The following KAT6B variants were observed in gnomAD, a reference collection of about 807,000 sequenced individuals.
KAT6B encodes lysine acetyltransferase 6B.
In KAT6B, 10 loss-of-function variants were observed where a neutral mutation model predicts 187.5. The ratio of observed to expected loss-of-function variants is 0.05; its 90% CI spans 0.03 to 0.09. The LOEUF is 0.09. Among genes scored for constraint, KAT6B ranks in the 10% least tolerant of loss-of-function variants. The pLI, the probability that KAT6B is intolerant of heterozygous loss-of-function variation, is 1.00. For missense variants in KAT6B, 1,952 were observed against 2,558.9 expected (o/e 0.76, Z 5.12); for synonymous variants, 861 against 926.8 (o/e 0.93, Z 1.29).
chr10:74,889,823 A>G (rs751835762), intron 3 of KAT6B, among the ~76,000 whole-genome samples: 6 of 152,220 alleles, frequency 3.9e-5, no homozygotes, highest in Non-Finnish European at 8.8e-5. Context: ...TAAACAGGGC[A>G]TAGTGTGAGT....
intron 13 of KAT6B, among the ~76,000 whole-genome samples, chr10:74,997,115 A>G (rs1029967521): frequency 6.6e-6 from 1 of 151,804 alleles, no homozygotes; most frequent in African/African-American, 2.4e-5. Context: ...TAATCCCAGC[A>G]CTCTGGCAGG....
chr10:74,829,402 C>T (rs1260737863), intron 1 of KAT6B, among the ~76,000 whole-genome samples: 2 of 152,004 alleles, frequency 1.3e-5, no homozygotes, highest in Non-Finnish European at 2.9e-5. Flanking sequence ...AGTGTACCCT[C>T]AGTTTTCCAC....
Position 74,999,712 on chromosome 10 carries a change from A to G in KAT6B, c.2629+10600A>G, listed in dbSNP as rs188869173. 5.9e-5 allele frequency among the ~76,000 whole-genome samples: 9 copies of G among 152,284 alleles called. No individual in the cohort carries two copies. The East Asian group carries it at 1.5e-3, about 26-fold the overall frequency. The stretch of plus-strand genomic sequence containing the variant: ...CTCACTTAGTCCTCACGGAGACCCT[A>G]TGGGGTAGGTTACTGTGACCATCTC... On this transcript the variant is annotated intron_variant, in intron 13 of 17. Coordinates refer to ENST00000287239, the MANE Select transcript of KAT6B (RefSeq NM_012330.4).
At chr10:74,944,522 C>CA (rs1849953478) in intron 3 of KAT6B, among the ~76,000 whole-genome samples, 1 of 152,136 alleles carries the variant, frequency 6.6e-6, no homozygotes, top group South Asian at 2.1e-4. Flanking sequence ...CAAGGATATG[C>CA]AAATTAGGCC....
chr10:75,006,639 T>C (rs1005061324), intron 13 of KAT6B, among the ~76,000 whole-genome samples: 1 of 152,078 alleles, frequency 6.6e-6, no homozygotes, highest in Non-Finnish European at 1.5e-5. Flanking sequence ...CTGTAGTCTC[T>C]TTATGTTGTC....
intron 10 of KAT6B, among the ~76,000 whole-genome samples, chr10:74,980,069 G>C (rs1157714447): frequency 6.6e-6 from 1 of 152,204 alleles, no homozygotes; most frequent in African/African-American, 2.4e-5. Flanking sequence ...TGAGGCAGGA[G>C]AATCACTGGA....
intron 13 of KAT6B, among the ~76,000 whole-genome samples, chr10:75,015,691 C>T (rs1366509960): frequency 2.6e-5 from 4 of 152,160 alleles, no homozygotes; most frequent in Admixed American, 6.5e-5. Context: ...AACCCAGTGC[C>T]GTCGACTGAT....
intron 12 of KAT6B, among the ~76,000 whole-genome samples, chr10:74,986,546 A>G (rs1335680171): frequency 6.6e-6 from 1 of 152,232 alleles, no homozygotes; most frequent in Non-Finnish European, 1.5e-5. Flanking sequence ...CAACCCAAAG[A>G]TCATAAACAA....
At position 74,826,750 on chromosome 10, in the gene KAT6B, C is replaced by A. The variant is rs1038912514; in HGVS notation, c.-364C>A. 2.0e-5 allele frequency: 3 copies of A among 152,630 alleles called. No homozygotes were observed. Among genetic ancestry groups the A allele is most frequent in the Non-Finnish European group, 4.4e-5 (3 of 67,860 alleles). 9.5% of individuals were successfully genotyped at this position (152,630 alleles called of 1,614,324 possible). On this transcript the variant is annotated 5_prime_UTR_variant, in exon 1 of 18. Transcript: ENST00000287239. ...CGCAGTTTCTCAGGCAGCGGCAGCG[C>A]CCCCGGCAGGCGCGGTGGCGGTGGC... is the stretch of plus-strand genomic sequence containing the variant.
At chr10:74,976,558 A>G in intron 8 of KAT6B, 1 of 588,322 alleles carries the variant, frequency 1.7e-6, no homozygotes, top group Non-Finnish European at 3.0e-6. Context: ...TTTATTATTT[A>G]TTTCCATTCG....
chr10:74,866,348 T>A (rs1417821459), intron 3 of KAT6B, among the ~76,000 whole-genome samples: 1 of 151,938 alleles, frequency 6.6e-6, no homozygotes, highest in Non-Finnish European at 1.5e-5. Flanking sequence ...GCAAAAATCA[T>A]ACTAAAATAT....
chr10:74,903,123 C>T (rs1198839802), intron 3 of KAT6B, among the ~76,000 whole-genome samples: 1 of 152,162 alleles, frequency 6.6e-6, no homozygotes, highest in Non-Finnish European at 1.5e-5. Flanking sequence ...TGAAGGGTCT[C>T]CTGTAGGAAG....
At chr10:75,024,089 A>C (rs1845638135) in intron 16 of KAT6B, 1 of 152,048 alleles carries the variant, frequency 6.6e-6, no homozygotes, top group Non-Finnish European at 1.5e-5. Flanking sequence ...CATTTGTGCC[A>C]ACCTTTAGTG....
chr10:74,923,872 G>A (rs1430965756), intron 3 of KAT6B, among the ~76,000 whole-genome samples: 1 of 152,192 alleles, frequency 6.6e-6, no homozygotes, highest in Non-Finnish European at 1.5e-5. Context: ...GCTGTGTTGA[G>A]AATAAGCTGT....
At chr10:74,941,776 A>C (rs1849681448) in intron 3 of KAT6B, among the ~76,000 whole-genome samples, 1 of 152,246 alleles carries the variant, frequency 6.6e-6, no homozygotes. Context: ...TACAAATGTT[A>C]AATTCTTTCA....
At chr10:74,974,205 G>A (rs1438996438) in intron 7 of KAT6B, among the ~76,000 whole-genome samples, 1 of 152,152 alleles carries the variant, frequency 6.6e-6, no homozygotes. Context: ...GTGGTGCCAG[G>A]CAGAGTCCCT....
At chr10:74,934,843 A>G (rs1849127837) in intron 3 of KAT6B, among the ~76,000 whole-genome samples, 2 of 152,284 alleles carry the variant, frequency 1.3e-5, no homozygotes, top group Admixed American at 6.5e-5. Flanking sequence ...TAGACCTCCC[A>G]TAGCTTCTTC....
At chr10:74,901,350 T>C (rs1032901180) in intron 3 of KAT6B, among the ~76,000 whole-genome samples, 2 of 152,254 alleles carry the variant, frequency 1.3e-5, no homozygotes, top group Non-Finnish European at 2.9e-5. Flanking sequence ...GTAAAGTATG[T>C]AGTGACCTCA....
At chr10:74,865,991 G>T (rs1447941980) in intron 3 of KAT6B, among the ~76,000 whole-genome samples, 1 of 152,166 alleles carries the variant, frequency 6.6e-6, no homozygotes, top group African/African-American at 2.4e-5. Flanking sequence ...ATTCATGGAT[G>T]CAAAATGCAC....
Sources: gnomAD v4.1 joint callset for allele counts (sites outside exome capture counted in the v4.1 genomes callset) on GRCh38, gnomAD v4.1.1 for gene constraint, MANE v1.5 for transcripts, NCBI Gene and HGNC (gene_info 2026-07-23, HGNC 2026-07-21) for gene names.